The following PAQR5 variants were observed in gnomAD, a reference collection of about 807,000 sequenced individuals.
The protein encoded by PAQR5 is progestin and adipoQ receptor family member 5, also known as membrane progestin receptor gamma.
Under a neutral mutation model 34.5 loss-of-function variants are expected in PAQR5, and 20 were observed. The ratio of observed to expected loss-of-function variants is 0.58; its 90% confidence interval spans 0.41 to 0.84. The LOEUF (loss-of-function observed/expected upper bound fraction) is 0.84, where lower values mean the gene tolerates loss of function less well. Ranked by LOEUF, PAQR5 falls within the 40% of genes least tolerant of loss-of-function variation. PAQR5 has a pLI of 0.00. For synonymous variants in PAQR5, 131 were observed against 155.6 expected, an observed-to-expected ratio of 0.84 and a Z score of 1.18; for missense variants, 378 against 412.7, an observed-to-expected ratio of 0.92 and a Z score of 0.73.
chr15:69,378,376 G>A (rs2055773692), intron 3 of PAQR5, among the ~76,000 whole-genome samples: 2 of 135,638 alleles, frequency 1.5e-5, no homozygotes, highest in Admixed American at 8.4e-5. Flanking sequence ...GTTTGAGGCT[G>A]CAGTAAGCCA....
At chr15:69,302,109 C>A (rs2140507983) in intron 1 of PAQR5, among the ~76,000 whole-genome samples, 1 of 151,934 alleles carries the variant, frequency 6.6e-6, no homozygotes, top group East Asian at 1.9e-4. Context: ...TCTGTCTCAA[C>A]AGAGCAGGCT....
Position 69,319,516 on chromosome 15 carries a change from G to A in PAQR5, c.-276-17825G>A, listed in dbSNP as rs551831547. Among the ~76,000 whole-genome samples, 15 of 151,960 alleles carry A rather than the reference G, an allele frequency of 9.9e-5. No homozygotes were observed. In the South Asian group the frequency reaches 3.1e-3, roughly 32 times the overall value. ...CTGATAACAGGGTGATCCCCAGGCAGCACCCCAAGGGACCCTGATTCAGAA... is the reference window on the plus strand; with the variant it reads ...CTGATAACAGGGTGATCCCCAGGCAACACCCCAAGGGACCCTGATTCAGAA... On this transcript the variant is annotated intron_variant, in intron 1 of 8. Transcript: ENST00000395407.
intron 2 of PAQR5, among the ~76,000 whole-genome samples, chr15:69,349,777 G>T (rs2140783078): frequency 6.6e-6 from 1 of 152,006 alleles, no homozygotes; most frequent in African/African-American, 2.4e-5. Flanking sequence ...GAGTAGCTGG[G>T]ATTACAGGTG....
intron 4 of PAQR5, among the ~76,000 whole-genome samples, chr15:69,384,151 CTG>C (rs1205768399): frequency 1.6e-5 from 2 of 123,474 alleles, no homozygotes; most frequent in Admixed American, 1.6e-4. Flanking sequence ...GAGTGGGCCT[CTG>C]TGCTCATGGT....
At chr15:69,339,168 A>ACCCCCCCCCCCCCCCCCCCCCCCCC (rs111647955) in intron 2 of PAQR5, among the ~76,000 whole-genome samples, 3 of 134,066 alleles carry the variant, frequency 2.2e-5, no homozygotes, top group Non-Finnish European at 5.0e-5. Flanking sequence ...CCCACTGGCT[A>ACCCCCCCCCCCCCCCCCCCCCCCCC]CACCCCCCAC....
intron 2 of PAQR5, among the ~76,000 whole-genome samples, chr15:69,339,050 A>G (rs970846318): frequency 6.6e-6 from 1 of 152,082 alleles, no homozygotes; most frequent in Non-Finnish European, 1.5e-5. Flanking sequence ...CGCTCAGATC[A>G]GTAATTTGTC....
At chr15:69,370,899 G>T (rs1449494875) in intron 3 of PAQR5, among the ~76,000 whole-genome samples, 1 of 152,156 alleles carries the variant, frequency 6.6e-6, no homozygotes, top group Non-Finnish European at 1.5e-5. Context: ...ATATGAAAAA[G>T]AACTGAGTTT....
intron 8 of PAQR5, 35 bp from the exon 9 acceptor site, chr15:69,403,546 T>C (rs761950629): frequency 8.1e-6 from 13 of 1,609,802 alleles, no homozygotes; most frequent in South Asian, 3.3e-5. Context: ...TTCCTTTTCA[T>C]TGCTGATCTT....
intron 3 of PAQR5, among the ~76,000 whole-genome samples, chr15:69,363,549 GT>G (rs201766941): frequency 0.085 from 4,637 of 54,320 alleles, 319 homozygotes; most frequent in African/African-American, 0.18. Flanking sequence ...TTTTGTTTTT[GT>G]TTTTTTTTTT....
At chr15:69,382,801 CATATATATATATATAT>C (rs1220190050) in intron 4 of PAQR5, 1 of 4,156 alleles carries the variant, frequency 2.4e-4, no homozygotes, top group East Asian at 8.6e-3. Context: ...TATATATGAC[CATATATATATATATAT>C]ATATATATAT....
rs191540669 is a variant in PAQR5, at chr15:69,319,016, C to T, written c.-276-18325C>T. 2.3e-3 allele frequency among the ~76,000 whole-genome samples: 345 copies of T among 151,388 alleles called. 1 individual carries two copies. Among genetic ancestry groups the T allele is most frequent in the African/African-American group, 8.0e-3 (331 of 41,346 alleles). Reference sequence around the variant, plus strand: ...AGGCGTGGTAGGGGGCGCCTTTAATCCCAGGTACCTGGGAGGCTGAGGCAT... The same window carrying T: ...AGGCGTGGTAGGGGGCGCCTTTAATTCCAGGTACCTGGGAGGCTGAGGCAT... On this transcript the variant is annotated intron_variant, in intron 1 of 8. Coordinates refer to ENST00000395407, the MANE Select transcript of PAQR5 (RefSeq NM_017705.4).
At chr15:69,397,639 G>T in intron 7 of PAQR5, 75 bp downstream of exon 7, 1 of 1,004,060 alleles carries the variant, frequency 1.0e-6, no homozygotes, top group Middle Eastern at 2.3e-4. Context: ...GCTTCTGGGG[G>T]GTCACAGCAC....
intron 3 of PAQR5, among the ~76,000 whole-genome samples, chr15:69,365,461 T>G (rs773556197): frequency 6.6e-6 from 1 of 152,234 alleles, no homozygotes; most frequent in Non-Finnish European, 1.5e-5. Flanking sequence ...GAGATGATCA[T>G]ATATGATTCA....
chr15:69,333,162 CAT>C (rs962049741), intron 1 of PAQR5, among the ~76,000 whole-genome samples: 2 of 151,844 alleles, frequency 1.3e-5, no homozygotes, highest in Non-Finnish European at 2.9e-5. Context: ...TTAATACACA[CAT>C]GAGAGGCCCT....
intron 5 of PAQR5, 40 bp downstream of exon 5, chr15:69,384,922 C>G (rs182618061): frequency 6.6e-7 from 1 of 1,524,226 alleles, no homozygotes; most frequent in South Asian, 1.1e-5. Context: ...CCCCTGCAAC[C>G]GGGCTGTTTG....
At chr15:69,315,253 T>C (rs562814746) in intron 1 of PAQR5, among the ~76,000 whole-genome samples, 1 of 152,196 alleles carries the variant, frequency 6.6e-6, no homozygotes, top group African/African-American at 2.4e-5. Context: ...CTCTCATGTG[T>C]CCCCTGCAGC....
At chr15:69,302,123 G>A (rs2053620165) in intron 1 of PAQR5, among the ~76,000 whole-genome samples, 1 of 151,950 alleles carries the variant, frequency 6.6e-6, no homozygotes, top group Non-Finnish European at 1.5e-5. Context: ...GCAGGCTGCA[G>A]TGCAGTAGCA....
intron 2 of PAQR5, among the ~76,000 whole-genome samples, chr15:69,338,659 A>G (rs1265997977): frequency 6.6e-6 from 1 of 152,170 alleles, no homozygotes; most frequent in Non-Finnish European, 1.5e-5. Context: ...CCTTGAGATT[A>G]AGGTGTTACA....
At chr15:69,303,190 G>A (rs2053642811) in intron 1 of PAQR5, among the ~76,000 whole-genome samples, 1 of 152,220 alleles carries the variant, frequency 6.6e-6, no homozygotes, top group Non-Finnish European at 1.5e-5. Flanking sequence ...GAGACCCAGA[G>A]GCGAGGAGTG....
Sources: allele counts gnomAD v4.1 joint callset (sites outside exome capture counted in the v4.1 genomes callset), GRCh38; gene constraint gnomAD v4.1.1; transcripts MANE v1.5; gene names NCBI Gene and HGNC (gene_info 2026-07-23, HGNC 2026-07-21).